SLC7A2: variants seen among roughly 807,000 people sequenced by gnomAD.
The protein encoded by SLC7A2 is cationic amino acid transporter 2.
A neutral mutation model predicts 58.9 loss-of-function variants in SLC7A2; 48 were observed. The ratio of observed to expected loss-of-function variants is 0.82; its 90% confidence interval spans 0.65 to 1.04. The LOEUF is 1.04. Ranked by LOEUF, SLC7A2 falls within the 50% of genes least tolerant of loss-of-function variation. SLC7A2 has a pLI of 0.00. For missense variants in SLC7A2, 1,029 were observed against 818.8 expected, an observed-to-expected ratio of 1.26 and a Z score of -3.13; for synonymous variants, 363 against 314.5, an observed-to-expected ratio of 1.15 and a Z score of -1.63.
intron 2 of SLC7A2, among the ~76,000 whole-genome samples, chr8:17,521,730 A>T (rs1363898318): frequency 6.6e-6 from 1 of 152,220 alleles, no homozygotes; most frequent in Non-Finnish European, 1.5e-5. Flanking sequence ...AAATCTCAAG[A>T]GCCGAAGCCT....
intron 2 of SLC7A2, among the ~76,000 whole-genome samples, chr8:17,535,319 G>C (rs2588235): frequency 6.6e-6 from 1 of 151,926 alleles, no homozygotes; most frequent in Non-Finnish European, 1.5e-5. Flanking sequence ...TTCTCACTGA[G>C]CTTTCAGATG....
At chr8:17,508,259 G>C (rs1188643827) in intron 2 of SLC7A2, among the ~76,000 whole-genome samples, 5 of 152,098 alleles carry the variant, frequency 3.3e-5, no homozygotes, top group African/African-American at 1.2e-4. Context: ...TGAACTTTTT[G>C]AATAATGAAT....
chr8:17,561,253 A>G (rs1440022278), intron 10 of SLC7A2, among the ~76,000 whole-genome samples: 1 of 152,230 alleles, frequency 6.6e-6, no homozygotes, highest in Non-Finnish European at 1.5e-5. Flanking sequence ...TAAATTATAA[A>G]GAAAAAGGTT....
chr8:17,543,217 A>G (rs77936042), intron 2 of SLC7A2, 101 bp from the exon 3 acceptor site: 2 of 774,850 alleles, frequency 2.6e-6, no homozygotes, highest in Non-Finnish European at 3.8e-6. Context: ...CACACACACA[A>G]ACACACACAC....
intron 8 of SLC7A2, chr8:17,555,190 C>T: frequency 1.1e-6 from 1 of 938,590 alleles, no homozygotes; most frequent in South Asian, 2.5e-5. Flanking sequence ...TTAAAAAAAA[C>T]AAAATCACTG....
intron 4 of SLC7A2, among the ~76,000 whole-genome samples, chr8:17,544,879 G>C (rs557563163): frequency 6.6e-6 from 1 of 152,170 alleles, no homozygotes; most frequent in Non-Finnish European, 1.5e-5. Flanking sequence ...TTTTTAAATC[G>C]TTAATTGCAG....
chr8:17,547,190 C>T (rs1329232613), intron 4 of SLC7A2, among the ~76,000 whole-genome samples: 2 of 152,132 alleles, frequency 1.3e-5, no homozygotes, highest in African/African-American at 2.4e-5. Flanking sequence ...CACAGTTCCA[C>T]ATGGTTGGGG....
intron 2 of SLC7A2, among the ~76,000 whole-genome samples, chr8:17,537,646 C>T (rs1032318416): frequency 6.6e-6 from 1 of 152,068 alleles, no homozygotes; most frequent in Admixed American, 6.6e-5. Flanking sequence ...GGGGCCATTC[C>T]TCATGTTTGC....
intron 2 of SLC7A2, among the ~76,000 whole-genome samples, chr8:17,534,872 T>C (rs972643419): frequency 6.6e-6 from 1 of 152,096 alleles, no homozygotes; most frequent in African/African-American, 2.4e-5. Flanking sequence ...CAAATCCGTG[T>C]GTCCCTTCCC....
chr8:17,535,912 A>T (rs74390763), intron 2 of SLC7A2, among the ~76,000 whole-genome samples: 118 of 151,920 alleles, frequency 7.8e-4, no homozygotes, highest in East Asian at 5.1e-3. Flanking sequence ...CAAAACAAAA[A>T]TTTTTTTTAC....
At chr8:17,506,490 G>T (rs1227268433) in intron 2 of SLC7A2, among the ~76,000 whole-genome samples, 1 of 152,268 alleles carries the variant, frequency 6.6e-6, no homozygotes, top group East Asian at 1.9e-4. Context: ...CTTTGGACAC[G>T]TTCCTTTCTA....
At chr8:17,543,189 A>AACACAC (rs112878892) in intron 2 of SLC7A2, 129 bp from the exon 3 acceptor site, 31 of 673,580 alleles carry the variant, frequency 4.6e-5, no homozygotes, top group African/African-American at 3.5e-4. Context: ...TAACAAGTGA[A>AACACAC]ACACACACAC....
chr8:17,560,630 C>G (rs2588254), intron 10 of SLC7A2, 97 bp downstream of exon 10: 5 of 1,051,108 alleles, frequency 4.8e-6, no homozygotes, highest in African/African-American at 1.6e-5. Context: ...TAACATTGCC[C>G]TAGAATATAT....
chr8:17,507,311 A>G (rs1800409002), intron 2 of SLC7A2, among the ~76,000 whole-genome samples: 1 of 152,154 alleles, frequency 6.6e-6, no homozygotes, highest in Non-Finnish European at 1.5e-5. Flanking sequence ...TTAATGGTTA[A>G]CTATAATTTA....
chr8:17,498,881 T>TG (rs1262524279), intron 1 of SLC7A2: 2 of 152,246 alleles, frequency 1.3e-5, no homozygotes, highest in Non-Finnish European at 2.9e-5. Context: ...AGAAGCTAGC[T>TG]GGGGAGACAG....
In SLC7A2 at chr8:17,566,672, CA is replaced by C. The variant is rs1328491270; in HGVS notation, c.*1529del. On this transcript the variant is annotated 3_prime_UTR_variant, in exon 13 of 13. Coordinates refer to ENST00000494857, the MANE Select transcript of SLC7A2 (RefSeq NM_001370338.1). ...CAGTTAACCCTTGTAAATGAGTAAA[CA>C]AATTTTTACATGTAAGATTCTCTAA... 1 of 152,130 alleles carries C rather than the reference CA, an allele frequency of 6.6e-6. No individual in the cohort carries two copies. Among genetic ancestry groups the C allele is most frequent in the African/African-American group, 2.4e-5 (1 of 41,418 alleles). The allele number at this position is 152,130 out of a possible 1,614,324, so 9.4% of individuals were successfully genotyped here. A position where few individuals can be genotyped will look rare whatever the true frequency, so the allele number is the denominator to read the frequency against.
In SLC7A2 at chr8:17,551,789, A is replaced by G. The variant is rs959448159; in HGVS notation, c.858A>G (p.Lys286=). The change falls in exon 7 of 13, where the codon AAA becomes AAG. Residue 286 remains lysine (K), a synonymous_variant. Transcript: ENST00000494857. ...GTGAAGAAGTTCGGAATCCCCAGAA[A>G]GCTATTCCCATTGGAATTGTGACGT... is the stretch of plus-strand genomic sequence containing the variant. ...TTGEEVRNPQ[K]AIPIGIVTSL... is the part of the protein sequence containing the mutation. 1.9e-6 allele frequency: 3 copies of G among 1,613,744 alleles called. No individual in the cohort carries two copies. Among genetic ancestry groups the G allele is most frequent in the African/African-American group, 1.3e-5 (1 of 74,840 alleles).
intron 8 of SLC7A2, among the ~76,000 whole-genome samples, chr8:17,556,508 G>A (rs1249408031): frequency 1.3e-5 from 2 of 151,992 alleles, no homozygotes; most frequent in African/African-American, 4.8e-5. Flanking sequence ...CAGAGCGCTT[G>A]TGTGGACAAC....
intron 2 of SLC7A2, among the ~76,000 whole-genome samples, chr8:17,513,981 C>G (rs1202016468): frequency 2.0e-5 from 3 of 152,110 alleles, no homozygotes; most frequent in South Asian, 4.1e-4. Context: ...TGTATAATGG[C>G]AGGGATTTAA....
Sources: allele counts gnomAD v4.1 joint callset (sites outside exome capture counted in the v4.1 genomes callset), GRCh38; gene constraint gnomAD v4.1.1; transcripts MANE v1.5; gene names NCBI Gene and HGNC (gene_info 2026-07-23, HGNC 2026-07-21).